Variants in FHIT observed in about 807,000 individuals in gnomAD.
The protein encoded by FHIT is bis(5'-adenosyl)-triphosphatase.
FHIT carries 19 observed loss-of-function variants against 17.9 expected under a neutral mutation model. The observed-to-expected ratio is 1.06, with a 90% CI of 0.74 to 1.56. FHIT has a LOEUF of 1.56. Ranked by LOEUF, FHIT falls within the 40% of genes most tolerant of loss-of-function variation. The pLI is 0.00. For missense variants in FHIT, 248 were observed against 189.2 expected (o/e 1.31, Z -1.82); for synonymous variants, 81 against 69.7 (o/e 1.16, Z -0.81).
chr3:59,752,138 TTTGTGCATCCCCATTCTGA>T, intron 9 of FHIT, 64 bp downstream of exon 9: 3 of 958,804 alleles, frequency 3.1e-6, no homozygotes, highest in Non-Finnish European at 4.8e-6. Flanking sequence ...TGAAGGTGTT[TTTGTGCATCCCCATTCTGA>T]GAGTGCAGCC....
intron 5 of FHIT, among the ~76,000 whole-genome samples, chr3:60,188,207 C>CTTTTTTT (rs1210975877): frequency 1.9e-4 from 24 of 125,512 alleles, no homozygotes; most frequent in Non-Finnish European, 3.6e-4. Context: ...CAGTTTCTTT[C>CTTTTTTT]TTTTTTTTTT....
chr3:60,667,249 T>C (rs1472824773), intron 4 of FHIT, among the ~76,000 whole-genome samples: 2 of 151,868 alleles, frequency 1.3e-5, no homozygotes, highest in African/African-American at 2.4e-5. Flanking sequence ...GTTGGGCCAT[T>C]TGTCATTGTC....
intron 5 of FHIT, among the ~76,000 whole-genome samples, chr3:60,129,254 T>C (rs1255577103): frequency 2.0e-5 from 3 of 152,086 alleles, no homozygotes; most frequent in Admixed American, 1.3e-4. Flanking sequence ...GGTTTCACCA[T>C]GTTGGCAGGG....
chr3:60,902,558 G>A (rs1416273180), intron 3 of FHIT, among the ~76,000 whole-genome samples: 1 of 152,118 alleles, frequency 6.6e-6, no homozygotes, highest in Non-Finnish European at 1.5e-5. Context: ...CTGGGCACAT[G>A]GTTTGATGTA....
At chr3:60,648,249 A>G (rs2039908121) in intron 4 of FHIT, among the ~76,000 whole-genome samples, 1 of 152,182 alleles carries the variant, frequency 6.6e-6, no homozygotes, top group African/African-American at 2.4e-5. Flanking sequence ...CCTGGACTGA[A>G]CTGCGCTTTT....
intron 7 of FHIT, among the ~76,000 whole-genome samples, chr3:59,933,603 G>T (rs1478480424): frequency 1.3e-5 from 2 of 152,072 alleles, no homozygotes; most frequent in Non-Finnish European, 2.9e-5. Context: ...TCTGTATTTT[G>T]CTATGCTCCT....
At chr3:60,768,523 C>T (rs971281975) in intron 4 of FHIT, among the ~76,000 whole-genome samples, 7 of 152,216 alleles carry the variant, frequency 4.6e-5, no homozygotes, top group Non-Finnish European at 7.3e-5. Flanking sequence ...AGGACTTCAC[C>T]AGTTCTGGCC....
At chr3:60,552,452 G>C (rs1440962260) in intron 4 of FHIT, among the ~76,000 whole-genome samples, 1 of 152,146 alleles carries the variant, frequency 6.6e-6, no homozygotes, top group Non-Finnish European at 1.5e-5. Flanking sequence ...ACCAATGAAA[G>C]AGGGTTCCAA....
chr3:60,345,075 A>T (rs911376285), intron 5 of FHIT, among the ~76,000 whole-genome samples: 1 of 152,220 alleles, frequency 6.6e-6, no homozygotes, highest in African/African-American at 2.4e-5. Context: ...AAGATTAGGA[A>T]CATCCTAATC....
intron 3 of FHIT, among the ~76,000 whole-genome samples, chr3:60,982,664 T>C (rs1297306803): frequency 6.6e-6 from 1 of 152,222 alleles, no homozygotes; most frequent in African/African-American, 2.4e-5. Flanking sequence ...TCTGTTATTC[T>C]CTGTTGCAAC....
chr3:60,453,158 G>A (rs547592901), intron 5 of FHIT, among the ~76,000 whole-genome samples: 9 of 151,858 alleles, frequency 5.9e-5, no homozygotes, highest in African/African-American at 1.9e-4. Flanking sequence ...GCAATTATAC[G>A]CTGTCATGAA....
intron 2 of FHIT, among the ~76,000 whole-genome samples, chr3:61,174,887 C>G (rs1202491060): frequency 6.6e-6 from 1 of 152,154 alleles, no homozygotes; most frequent in African/African-American, 2.4e-5. Flanking sequence ...ATTCATCAGC[C>G]TTTCTAGAAC....
intron 5 of FHIT, among the ~76,000 whole-genome samples, chr3:60,049,006 A>G (rs367829198): frequency 1.3e-5 from 2 of 152,272 alleles, no homozygotes; most frequent in East Asian, 3.9e-4. Flanking sequence ...CCCACAGCAC[A>G]CCAGCAGCCT....
chr3:61,103,388 TTC>T (rs1217563864), intron 2 of FHIT, among the ~76,000 whole-genome samples: 8 of 152,210 alleles, frequency 5.3e-5, no homozygotes, highest in African/African-American at 1.9e-4. Context: ...TAATCCTGAG[TTC>T]TAATTTGATT....
chr3:60,760,130 A>G (rs947127117), intron 4 of FHIT, among the ~76,000 whole-genome samples: 4 of 151,222 alleles, frequency 2.6e-5, no homozygotes, highest in Non-Finnish European at 4.4e-5. Context: ...TCTTTAGTTT[A>G]GAGACACTAC....
At chr3:60,680,350 C>T (rs961802323) in intron 4 of FHIT, among the ~76,000 whole-genome samples, 2 of 152,092 alleles carry the variant, frequency 1.3e-5, no homozygotes, top group Admixed American at 6.6e-5. Flanking sequence ...TCTGTTGCTT[C>T]TCCAATTTAT....
chr3:60,337,960 T>A (rs1576497734), intron 5 of FHIT, among the ~76,000 whole-genome samples: 1 of 152,298 alleles, frequency 6.6e-6, no homozygotes. Context: ...AGCCTGGGCA[T>A]TTTTACCAGT....
chr3:61,168,509 G>C (rs1245071864), intron 2 of FHIT, among the ~76,000 whole-genome samples: 1 of 152,190 alleles, frequency 6.6e-6, no homozygotes, highest in Non-Finnish European at 1.5e-5. Context: ...TTCTGGCCCT[G>C]TGTCCCAGTG....
chr3:60,837,674 G>C (rs1702583371), intron 3 of FHIT, among the ~76,000 whole-genome samples: 1 of 151,952 alleles, frequency 6.6e-6, no homozygotes, highest in African/African-American at 2.4e-5. Context: ...TGTTCTCTTT[G>C]TGGTTTTCTG....
Sources: gnomAD v4.1 joint callset for allele counts (sites outside exome capture counted in the v4.1 genomes callset) on GRCh38, gnomAD v4.1.1 for gene constraint, MANE v1.5 for transcripts, NCBI Gene and HGNC (gene_info 2026-07-23, HGNC 2026-07-21) for gene names.